Variants in EML4 observed in about 807,000 individuals in gnomAD.
EML4 encodes EMAP like 4, also known as echinoderm microtubule-associated protein-like 4.
Under a neutral mutation model 129.0 loss-of-function variants are expected in EML4, and 72 were observed. The ratio of observed to expected loss-of-function variants is 0.56; its 90% CI spans 0.46 to 0.68. The LOEUF (loss-of-function observed/expected upper bound fraction) is 0.68, where lower values mean the gene tolerates loss of function less well. Among genes scored for constraint, EML4 ranks in the 30% least tolerant of loss-of-function variants. The probability of loss-of-function intolerance (pLI) is 0.00; values close to 1 mark genes in which losing one functional copy is unlikely to be tolerated. For missense variants in EML4, 1,363 were observed against 1,190.6 expected (o/e 1.14, Z -2.13); for synonymous variants, 532 against 405.0 (o/e 1.31, Z -3.77).
At chr2:42,277,338 A>G (rs1342972380) in intron 6 of EML4, among the ~76,000 whole-genome samples, 1 of 152,196 alleles carries the variant, frequency 6.6e-6, no homozygotes, top group African/African-American at 2.4e-5. Flanking sequence ...ATGACTGCAG[A>G]AGTAGGGAAT....
At chr2:42,292,621 C>T (rs1204069252) in intron 11 of EML4, among the ~76,000 whole-genome samples, 4 of 152,128 alleles carry the variant, frequency 2.6e-5, no homozygotes, top group African/African-American at 9.7e-5. Flanking sequence ...GGGATAGTGA[C>T]TGGAAAGGGG....
chr2:42,243,958 A>T (rs1246066186), intron 1 of EML4, among the ~76,000 whole-genome samples: 2 of 152,170 alleles, frequency 1.3e-5, no homozygotes, highest in Non-Finnish European at 2.9e-5. Context: ...AACAGCTCTT[A>T]CATTAGAATC....
intron 1 of EML4, among the ~76,000 whole-genome samples, chr2:42,203,323 A>G (rs1485097904): frequency 6.6e-6 from 1 of 152,168 alleles, no homozygotes; most frequent in Non-Finnish European, 1.5e-5. Flanking sequence ...TTATCTTTCC[A>G]TCTGTGGTAG....
intron 1 of EML4, among the ~76,000 whole-genome samples, chr2:42,205,159 G>T (rs1249600740): frequency 6.6e-6 from 1 of 152,130 alleles, no homozygotes; most frequent in Non-Finnish European, 1.5e-5. Flanking sequence ...GATTCATGCA[G>T]TCTTTACAAA....
At chr2:42,242,210 A>G (rs891930939) in intron 1 of EML4, among the ~76,000 whole-genome samples, 13 of 152,204 alleles carry the variant, frequency 8.5e-5, no homozygotes, top group African/African-American at 2.9e-4. Context: ...TAAGCAGGTT[A>G]TATGTTTACA....
chr2:42,243,633 C>T (rs1675180640), intron 1 of EML4, among the ~76,000 whole-genome samples: 2 of 152,220 alleles, frequency 1.3e-5, no homozygotes, highest in South Asian at 4.2e-4. Flanking sequence ...AGATGAAACC[C>T]AACTTTTCCT....
chr2:42,236,449 T>G (rs990631339), intron 1 of EML4, among the ~76,000 whole-genome samples: 3 of 152,242 alleles, frequency 2.0e-5, no homozygotes, highest in Admixed American at 6.5e-5. Flanking sequence ...ACTGGGAGAC[T>G]GCCTGGGAGG....
intron 13 of EML4, among the ~76,000 whole-genome samples, chr2:42,296,827 A>G (rs915675179): frequency 9.2e-5 from 14 of 152,190 alleles, no homozygotes; most frequent in Admixed American, 3.3e-4. Context: ...TGTATTTTTT[A>G]GGACAGATAT....
chr2:42,279,706 C>T (rs570697444), intron 6 of EML4, among the ~76,000 whole-genome samples: 25 of 152,108 alleles, frequency 1.6e-4, no homozygotes, highest in African/African-American at 5.8e-4. Context: ...AATCTCCTGA[C>T]CTCATGATCT....
chr2:42,285,131 A>G (rs1667218755), intron 9 of EML4, among the ~76,000 whole-genome samples: 1 of 151,718 alleles, frequency 6.6e-6, no homozygotes, highest in African/African-American at 2.4e-5. Flanking sequence ...CTGGGCTCAA[A>G]CTCCTGGGCT....
At chr2:42,195,222 A>G (rs956787702) in intron 1 of EML4, among the ~76,000 whole-genome samples, 24 of 152,232 alleles carry the variant, frequency 1.6e-4, no homozygotes, top group Non-Finnish European at 2.6e-4. Context: ...GTAAGAGGGT[A>G]TATGATAACT....
At chr2:42,259,896 A>AT (rs1371164959) in intron 3 of EML4, among the ~76,000 whole-genome samples, 1 of 151,130 alleles carries the variant, frequency 6.6e-6, no homozygotes. Flanking sequence ...CACCCAGCTA[A>AT]TTTTTTGTAT....
At position 42,245,663 on chromosome 2, in the gene EML4, G is replaced by T. The variant is rs1675354546; in HGVS notation, c.184G>T (p.Val62Leu). 6.2e-7 allele frequency: 1 copy of T among 1,609,742 alleles called. No homozygotes were observed. The highest frequency in any genetic ancestry group is 8.5e-7 in the Non-Finnish European group (1 of 1,178,034). Residue 62 changes from valine to leucine, a missense_variant, in exon 2 of 23, where the codon GTG becomes TTG. Physicochemically the swap from Val to Leu is conservative, Grantham distance 32. Transcript: ENST00000318522. ...LAISEDHVASVKKSVSSKGQP... is the reference protein window; with the variant it reads ...LAISEDHVASLKKSVSSKGQP... ...AATCTCTGAAGATCATGTGGCCTCA[G>T]TGAAAAAATCAGTCTCAAGTAAAGG...
At chr2:42,226,095 C>T (rs942674052) in intron 1 of EML4, among the ~76,000 whole-genome samples, 2 of 151,886 alleles carry the variant, frequency 1.3e-5, no homozygotes, top group Admixed American at 6.6e-5. Context: ...TTCCATTGTT[C>T]ATGCCGTAGA....
chr2:42,176,679 C>T (rs547676047), intron 1 of EML4, among the ~76,000 whole-genome samples: 2 of 152,190 alleles, frequency 1.3e-5, no homozygotes, highest in African/African-American at 4.8e-5. Context: ...GATAGGACCA[C>T]TCTTGGGGTA....
At chr2:42,227,597 C>T (rs1468694757) in intron 1 of EML4, among the ~76,000 whole-genome samples, 1 of 151,818 alleles carries the variant, frequency 6.6e-6, no homozygotes, top group African/African-American at 2.4e-5. Context: ...TACAGTTGAC[C>T]CTTGAACAAC....
intron 1 of EML4, among the ~76,000 whole-genome samples, chr2:42,218,917 G>C (rs781339005): frequency 3.3e-5 from 5 of 152,154 alleles, no homozygotes; most frequent in Non-Finnish European, 5.9e-5. Context: ...TCCCATCTCA[G>C]CCTCGCAAGC....
intron 1 of EML4, among the ~76,000 whole-genome samples, chr2:42,191,385 G>A (rs1429303700): frequency 2.0e-5 from 3 of 152,034 alleles, no homozygotes; most frequent in Non-Finnish European, 2.9e-5. Context: ...CATCCTCAAA[G>A]TTTCCCTCCC....
chr2:42,245,754 G>C, intron 2 of EML4, 67 bp downstream of exon 2: 1 of 1,431,616 alleles, frequency 7.0e-7, no homozygotes, highest in East Asian at 2.5e-5. Flanking sequence ...GTTGAAGCTG[G>C]AAATATAAAA....
Sources: gnomAD v4.1 joint callset for allele counts (sites outside exome capture counted in the v4.1 genomes callset) on GRCh38, gnomAD v4.1.1 for gene constraint, MANE v1.5 for transcripts, NCBI Gene and HGNC (gene_info 2026-07-23, HGNC 2026-07-21) for gene names.